Variants in KIF18A observed in about 807,000 individuals in gnomAD.
KIF18A encodes the protein kinesin family member 18A, also known as kinesin-like protein KIF18A.
KIF18A carries 67 observed loss-of-function variants against 103.3 expected under a neutral mutation model. That is an observed-to-expected ratio of 0.65 (90% CI 0.53 to 0.79). The LOEUF is 0.79. KIF18A is among the 30% of genes least tolerant of loss of function. The probability of loss-of-function intolerance (pLI) is 0.00; values close to 1 mark genes in which losing one functional copy is unlikely to be tolerated. For synonymous variants in KIF18A, 367 were observed against 355.5 expected (o/e 1.03, Z -0.36); for missense variants, 1,032 against 1,062.5 (o/e 0.97, Z 0.40).
intron 12 of KIF18A, among the ~76,000 whole-genome samples, chr11:28,061,100 G>C (rs1417584029): frequency 6.6e-6 from 1 of 152,178 alleles, no homozygotes; most frequent in African/African-American, 2.4e-5. Context: ...ATGAATCACT[G>C]AACCTGAAAG....
chr11:28,033,267 A>T (rs1440456794), intron 15 of KIF18A, among the ~76,000 whole-genome samples: 1 of 151,752 alleles, frequency 6.6e-6, no homozygotes, highest in Non-Finnish European at 1.5e-5. Context: ...ATGGGGATGT[A>T]AATTAGTACA....
intron 15 of KIF18A, among the ~76,000 whole-genome samples, chr11:28,029,614 T>G (rs917512884): frequency 3.3e-5 from 5 of 152,122 alleles, no homozygotes; most frequent in Non-Finnish European, 5.9e-5. Flanking sequence ...CTTTGAAAAC[T>G]GGCACAAGAC....
intron 6 of KIF18A, among the ~76,000 whole-genome samples, chr11:28,087,407 G>T (rs1052644006): frequency 2.0e-5 from 3 of 152,194 alleles, no homozygotes; most frequent in Non-Finnish European, 2.9e-5. Context: ...TGCCTGTAAA[G>T]GACATGAACT....
At chr11:28,098,458 C>A (rs555280454) in intron 1 of KIF18A, among the ~76,000 whole-genome samples, 128 of 152,300 alleles carry the variant, frequency 8.4e-4, no homozygotes, top group Non-Finnish European at 1.6e-3. Context: ...AGCTTGTGAA[C>A]TATTTTTAGT....
rs777770528 is a variant in KIF18A at position 28,035,459 on chromosome 11, A to AT, written c.2431dup (p.Met811AsnfsTer48). On this transcript the variant is annotated frameshift_variant, in exon 15 of 17. Transcript: ENST00000263181. LOFTEE classifies it high-confidence loss of function. ...GGATGGCACCATGCTTGGTACAGGC[A>AT]TAGAATGCTTAGTTGAGAATGAAGA... 1 of 1,601,714 alleles carries AT rather than the reference A, an allele frequency of 6.2e-7. No homozygotes were observed.
At chr11:28,103,951 G>A (rs1383042419) in intron 1 of KIF18A, among the ~76,000 whole-genome samples, 1 of 152,078 alleles carries the variant, frequency 6.6e-6, no homozygotes, top group Non-Finnish European at 1.5e-5. Context: ...ACTTAGCAAA[G>A]CTAATATTCA....
At chr11:28,106,741 C>A (rs534868684) in intron 1 of KIF18A, among the ~76,000 whole-genome samples, 4 of 151,986 alleles carry the variant, frequency 2.6e-5, no homozygotes, top group African/African-American at 9.7e-5. Context: ...GAGGCCGAGG[C>A]GGGCAGATGG....
At chr11:28,100,593 T>C (rs868101811) in intron 1 of KIF18A, among the ~76,000 whole-genome samples, 21 of 151,372 alleles carry the variant, frequency 1.4e-4, no homozygotes, top group South Asian at 2.1e-4. Context: ...GTTTTGTTTG[T>C]ATTTTTTTTT....
chr11:28,077,224 A>T, intron 9 of KIF18A, 55 bp from the exon 10 acceptor site: 1 of 1,292,332 alleles, frequency 7.7e-7, no homozygotes, highest in Non-Finnish European at 1.1e-6. Flanking sequence ...CAAATCATAC[A>T]AAGTTTACTT....
At chr11:28,047,434 A>C (rs1477041992) in intron 13 of KIF18A, among the ~76,000 whole-genome samples, 3 of 152,154 alleles carry the variant, frequency 2.0e-5, no homozygotes, top group African/African-American at 4.8e-5. Flanking sequence ...TTTTCACTGA[A>C]TCTCTACTTT....
Position 28,082,913 on chromosome 11 carries a change from T to C in KIF18A, c.1205A>G (p.Asn402Ser), listed in dbSNP as rs1490204718. Residue 402 changes from asparagine (N) to serine (S), a missense_variant, in exon 9 of 17, where the codon AAT becomes AGT. Physicochemically the swap from Asn to Ser is conservative, Grantham distance 46. Transcript: ENST00000263181. ...KAYEEQKAFT[N>S]ENDQAKLMIS... ...CATTAACTTTGCTTGGTCATTTTCA[T>C]TAGTGAAGGCTTTCTGTTCTTCATA... 4.4e-6 allele frequency: 7 copies of C among 1,606,468 alleles called. No homozygotes were observed. In the Admixed American group the frequency reaches 1.2e-4, roughly 27 times the overall value.
At chr11:28,095,167 G>A (rs2133563630) in intron 2 of KIF18A, among the ~76,000 whole-genome samples, 1 of 152,248 alleles carries the variant, frequency 6.6e-6, no homozygotes, top group East Asian at 1.9e-4. Flanking sequence ...ATTGTTCCAG[G>A]TTTACATAAG....
intron 9 of KIF18A, among the ~76,000 whole-genome samples, chr11:28,079,639 C>T (rs185990369): frequency 6.6e-6 from 1 of 152,080 alleles, no homozygotes. Context: ...AGATAACTGG[C>T]TCTGCAGAAT....
chr11:28,074,373 T>C (rs1851062619), intron 10 of KIF18A, among the ~76,000 whole-genome samples: 1 of 152,090 alleles, frequency 6.6e-6, no homozygotes, highest in South Asian at 2.1e-4. Flanking sequence ...TTGAAGTTCA[T>C]GAAAGTGAAA....
At chr11:28,061,942 A>G (rs1406064641) in intron 12 of KIF18A, among the ~76,000 whole-genome samples, 1 of 152,158 alleles carries the variant, frequency 6.6e-6, no homozygotes, top group Non-Finnish European at 1.5e-5. Flanking sequence ...CTGTTATAGC[A>G]TCACATAAAA....
intron 10 of KIF18A, among the ~76,000 whole-genome samples, chr11:28,072,208 C>T (rs1434442942): frequency 2.0e-5 from 3 of 152,170 alleles, no homozygotes; most frequent in South Asian, 4.1e-4. Context: ...AAATCCCCTG[C>T]ACACCACAAA....
intron 15 of KIF18A, among the ~76,000 whole-genome samples, chr11:28,031,424 C>T (rs534261356): frequency 1.5e-4 from 23 of 152,082 alleles, no homozygotes; most frequent in African/African-American, 4.6e-4. Flanking sequence ...AGCAAACTAT[C>T]GCAAGGACAA....
intron 13 of KIF18A, among the ~76,000 whole-genome samples, chr11:28,041,448 GAA>G (rs2133501576): frequency 6.6e-6 from 1 of 151,832 alleles, no homozygotes; most frequent in African/African-American, 2.4e-5. Flanking sequence ...TGAGCTCGAG[GAA>G]AAGAGGCTAG....
chr11:28,038,229 C>G (rs1850518847), intron 13 of KIF18A, among the ~76,000 whole-genome samples: 2 of 151,568 alleles, frequency 1.3e-5, no homozygotes, highest in Non-Finnish European at 3.0e-5. Context: ...TACCACAATA[C>G]TAGATTTAGT....
Sources: gnomAD v4.1 joint callset for allele counts (sites outside exome capture counted in the v4.1 genomes callset) on GRCh38, gnomAD v4.1.1 for gene constraint, MANE v1.5 for transcripts, NCBI Gene and HGNC (gene_info 2026-07-23, HGNC 2026-07-21) for gene names.